RAP1GAP: variants seen among roughly 807,000 people sequenced by gnomAD.
RAP1GAP encodes the protein RAP1 GTPase activating protein, also known as rap1 GTPase-activating protein 1.
A neutral mutation model predicts 87.2 loss-of-function variants in RAP1GAP; 35 were observed. The ratio of observed to expected loss-of-function variants is 0.40; its 90% CI spans 0.31 to 0.53. The LOEUF is 0.53. Ranked by LOEUF, RAP1GAP falls within the 20% of genes least tolerant of loss-of-function variation. The probability of loss-of-function intolerance (pLI) is 0.48; values close to 1 mark genes in which losing one functional copy is unlikely to be tolerated. For missense variants in RAP1GAP, 734 were observed against 898.9 expected (o/e 0.82, Z 2.35); for synonymous variants, 375 against 363.9 (o/e 1.03, Z -0.35).
Position 21,609,042 on chromosome 1 carries a change from C to A in RAP1GAP, c.1072-106G>T. The A allele has an allele frequency of 1.1e-6, 1 of 946,294 alleles. No individual in the cohort carries two copies. The highest frequency in any genetic ancestry group is 1.8e-5 in the Admixed American group (1 of 56,698). The allele number at this position is 946,294 out of a possible 1,614,324, so 58.6% of individuals were successfully genotyped here. A position where few individuals can be genotyped will look rare whatever the true frequency, so the allele number is the denominator to read the frequency against. ...GAGGCTGCAGCTCCTGAACCATGCT[C>A]TGCTGGGGCCTGGGGTCACCCTCTT... On this transcript the variant is annotated intron_variant, in intron 15 of 24. Transcript: ENST00000374765. The surrounding 1 kb of genome is among the most constrained non-coding windows in gnomAD (Gnocchi z 4.4).
rs1430715916 is a variant in RAP1GAP, at chr1:21,668,456, A to T, written c.-149+798T>A. On this transcript the variant is annotated intron_variant, in intron 1 of 24. Transcript: ENST00000374765. The surrounding 1 kb of genome is among the most constrained non-coding windows in gnomAD (Gnocchi z 6.2). ...GGCCTGTGCTATGACCCCAACAAGG[A>T]CTCCGAGGGCATGCACAGGCTGGGG... 6.6e-6 allele frequency: 1 copy of T among 152,180 alleles called. No individual in the cohort carries two copies. Among genetic ancestry groups the T allele is most frequent in the Non-Finnish European group, 1.5e-5 (1 of 68,196 alleles). 9.4% of individuals were successfully genotyped at this position (152,180 alleles called of 1,614,324 possible). A position where few individuals can be genotyped will look rare whatever the true frequency, so the allele number is the denominator to read the frequency against.
In RAP1GAP at chr1:21,642,595, CAGCAGCTCCTTGG is replaced by C. The variant is rs1411562107; in HGVS notation, c.-113+7153_-113+7165del. 2.0e-5 allele frequency among the ~76,000 whole-genome samples: 3 copies of C among 152,160 alleles called. No individual in the cohort carries two copies. The East Asian group carries it at 5.8e-4, about 29-fold the overall frequency. ...GAGCTGCGGCTGACTCAGTCTCACA[CAGCAGCTCCTTGG>C]AGCAGGGAGGAGGATGGGCGACTGG... On this transcript the variant is annotated intron_variant, in intron 2 of 24. Transcript: ENST00000374765.
chr1:21,618,204 G>A (rs1570765496), intron 5 of RAP1GAP, among the ~76,000 whole-genome samples: 2 of 152,168 alleles, frequency 1.3e-5, no homozygotes, highest in Admixed American at 6.5e-5. Context: ...AGAAGAAACC[G>A]CTGGACTGCC....
chr1:21,650,741 C>T (rs1257728251), intron 1 of RAP1GAP, among the ~76,000 whole-genome samples: 1 of 152,198 alleles, frequency 6.6e-6, no homozygotes, highest in Non-Finnish European at 1.5e-5. Flanking sequence ...GTTGGCTGGC[C>T]AGGAAGCTCA....
intron 2 of RAP1GAP, among the ~76,000 whole-genome samples, chr1:21,628,257 A>G (rs1393145230): frequency 2.0e-5 from 3 of 152,012 alleles, no homozygotes; most frequent in African/African-American, 7.3e-5. Flanking sequence ...GGTCCATAGA[A>G]ATAGTTACCG....
At chr1:21,599,747 C>T in intron 20 of RAP1GAP, 130 bp from the exon 21 acceptor site, 2 of 1,304,848 alleles carry the variant, frequency 1.5e-6, no homozygotes, top group Non-Finnish European at 2.1e-6. Context: ...GGACCCCTTA[C>T]AGATCCTTGG....
At chr1:21,653,993 T>G (rs2096755944) in intron 1 of RAP1GAP, among the ~76,000 whole-genome samples, 1 of 145,202 alleles carries the variant, frequency 6.9e-6, no homozygotes, top group Non-Finnish European at 1.5e-5. Flanking sequence ...AGAGGGGCCA[T>G]GGGGGCTGAA....
intron 10 of RAP1GAP, among the ~76,000 whole-genome samples, chr1:21,612,428 C>T (rs1298935879): frequency 6.6e-6 from 1 of 152,146 alleles, no homozygotes; most frequent in African/African-American, 2.4e-5. Flanking sequence ...AAGCCCACCC[C>T]TACTCCACTC....
chr1:21,652,456 C>G (rs1327899113), intron 1 of RAP1GAP, among the ~76,000 whole-genome samples: 1 of 152,278 alleles, frequency 6.6e-6, no homozygotes, highest in Non-Finnish European at 1.5e-5. Context: ...CTACCCTTCC[C>G]GCGAACGAAT....
rs2082940992 is a variant in RAP1GAP at position 21,617,388 on chromosome 1, T to C, written c.209A>G (p.Glu70Gly). 1.2e-6 allele frequency: 2 copies of C among 1,602,932 alleles called. No homozygotes were observed. Among genetic ancestry groups the C allele is most frequent in the East Asian group, 2.2e-5 (1 of 44,564 alleles). The stretch of plus-strand genomic sequence containing the variant: ...CTTGGTTGTGGGCGACTGCAGTGGC[T>C]CTGTCTCGGGGATGCTGGTGATTTC... ...NHEITSIPETEPLQSPTTKVK... is the reference protein window; with the variant it reads ...NHEITSIPETGPLQSPTTKVK... Residue 70 changes from glutamate (E) to glycine (G), a missense_variant, in exon 7 of 25, where the codon GAG becomes GGG. This residue lies in a region of RAP1GAP where 485 missense variants were observed against 646.2 expected (regional missense o/e 0.75). Coordinates refer to ENST00000374765, the MANE Select transcript of RAP1GAP (RefSeq NM_002885.4).
rs1005472006 is a variant in RAP1GAP at position 21,609,317 on chromosome 1, A to T, written c.1071+258T>A. Among the ~76,000 whole-genome samples, 10 of 152,064 alleles carry T rather than the reference A, an allele frequency of 6.6e-5. No homozygotes were observed. Among genetic ancestry groups the T allele is most frequent in the African/African-American group, 2.4e-4 (10 of 41,386 alleles). On this transcript the variant is annotated intron_variant, in intron 15 of 24. Transcript: ENST00000374765. This position sits in a 1 kb window ranked among gnomAD's most constrained non-coding sequence, Gnocchi z 4.4. ...GAAAGAGACTGGAACTGTCAGAAAG[A>T]GAACAGAAATGAGGAGAGGCCAGTC...
Position 21,613,605 on chromosome 1 carries a change from G to C in RAP1GAP, c.474+23C>G, listed in dbSNP as rs748676778. 2.4e-5 allele frequency: 38 copies of C among 1,595,624 alleles called. No homozygotes were observed. Among genetic ancestry groups the C allele is most frequent in the Non-Finnish European group, 3.2e-5 (37 of 1,163,460 alleles). ...CCCATCTGCGGAGCCAGCCCGGGAA[G>C]CTCAGCGGAGCGGAGACCTCACCTT... On this transcript the variant is annotated intron_variant, in intron 9 of 24. Coordinates refer to ENST00000374765, the MANE Select transcript of RAP1GAP (RefSeq NM_002885.4). This position sits in a 1 kb window ranked among gnomAD's most constrained non-coding sequence, Gnocchi z 4.7.
At chr1:21,648,687 C>A (rs9426676) in intron 2 of RAP1GAP, among the ~76,000 whole-genome samples, 2 of 152,244 alleles carry the variant, frequency 1.3e-5, no homozygotes, top group Non-Finnish European at 2.9e-5. Context: ...TTTTATCCCC[C>A]CTCAGTCTAC....
chr1:21,634,070 G>C lies in RAP1GAP; in HGVS notation c.-112-7673C>G, dbSNP rs956078864. ...AACTGCCCCCTCCCGGGGGGGGGGG[G>C]GGGCCACAGAAGCCCATTGTTTTCT... is the stretch of plus-strand genomic sequence containing the variant. On this transcript the variant is annotated intron_variant, in intron 2 of 24. Transcript: ENST00000374765. This position sits in a 1 kb window ranked among gnomAD's most constrained non-coding sequence, Gnocchi z 4.1. 6.8e-5 allele frequency among the ~76,000 whole-genome samples: 9 copies of C among 131,728 alleles called. No homozygotes were observed. Among genetic ancestry groups the C allele is most frequent in the Admixed American group, 5.4e-4 (7 of 12,956 alleles). 86.4% of individuals were successfully genotyped at this position (131,728 alleles called of 152,430 possible).
chr1:21,645,821 C>T (rs956717066), intron 2 of RAP1GAP, among the ~76,000 whole-genome samples: 1 of 152,368 alleles, frequency 6.6e-6, no homozygotes, highest in Non-Finnish European at 1.5e-5. Context: ...ATGAGGCCAG[C>T]CTTGTGCTTC....
At chr1:21,598,158 C>T in intron 22 of RAP1GAP, 94 bp from the exon 23 acceptor site, 2 of 839,812 alleles carry the variant, frequency 2.4e-6, no homozygotes, top group Non-Finnish European at 3.7e-6. Context: ...CAGTGCGCTC[C>T]AACCCCACCC....
intron 1 of RAP1GAP, among the ~76,000 whole-genome samples, chr1:21,657,226 TACGTGC>T (rs1159678536): frequency 6.6e-6 from 1 of 152,136 alleles, no homozygotes; most frequent in Non-Finnish European, 1.5e-5. Flanking sequence ...AACCCACAAG[TACGTGC>T]ACATGCAAAG....
At chr1:21,655,928 C>T (rs2096841313) in intron 1 of RAP1GAP, among the ~76,000 whole-genome samples, 1 of 152,214 alleles carries the variant, frequency 6.6e-6, no homozygotes, top group Non-Finnish European at 1.5e-5. Flanking sequence ...GTGGAGCCAA[C>T]ACTTGCCAGG....
At chr1:21,623,561 G>C (rs965380277) in intron 3 of RAP1GAP, among the ~76,000 whole-genome samples, 2 of 152,206 alleles carry the variant, frequency 1.3e-5, no homozygotes, top group African/African-American at 4.8e-5. Context: ...GCTGCCAGTG[G>C]CTGCCCACCA....
Sources: gnomAD v4.1 joint callset for allele counts (sites outside exome capture counted in the v4.1 genomes callset) on GRCh38, gnomAD v4.1.1 for gene constraint, gnomAD v4.1.1 regional missense constraint, Gnocchi (gnomAD v3.1) non-coding constraint, MANE v1.5 for transcripts, NCBI Gene and HGNC (gene_info 2026-07-23, HGNC 2026-07-21) for gene names.